CNOT9: variants seen among roughly 807,000 people sequenced by gnomAD.
CNOT9 encodes RCD1 required for cell differentiation1 homolog.
In CNOT9, 8 loss-of-function variants were observed where a neutral mutation model predicts 37.4. The ratio of observed to expected loss-of-function variants is 0.21; its 90% CI spans 0.13 to 0.39. The LOEUF (loss-of-function observed/expected upper bound fraction) is 0.39, where lower values mean the gene tolerates loss of function less well. Among genes scored for constraint, CNOT9 ranks in the 10% least tolerant of loss-of-function variants. The pLI, the probability that CNOT9 is intolerant of heterozygous loss-of-function variation, is 1.00. For synonymous variants in CNOT9, 120 were observed against 137.6 expected (o/e 0.87, Z 0.90); for missense variants, 154 against 365.3 (o/e 0.42, Z 4.71).
At chr2:218,593,744 G>T in intron 7 of CNOT9, 1 of 1,201,822 alleles carries the variant, frequency 8.3e-7, no homozygotes. Flanking sequence ...TGATATCCTT[G>T]TTAATGTACT....
rs760332092 is a variant in CNOT9, at chr2:218,580,701, G to A, written c.165G>A (p.Met55Ile). The part of the protein sequence containing the change: ...KRESVPDLAP[M>I]LWHSFGTIAA... ...AATCTGTTCCTGACCTTGCACCCAT[G>A]CTGTGGCATTCATTTGGTACTATTG... The change falls in exon 2 of 8, where the codon ATG (methionine) becomes ATA (isoleucine). Residue 55 changes from methionine to isoleucine, a missense_variant. Coordinates refer to ENST00000273064, the MANE Select transcript of CNOT9 (RefSeq NM_005444.3). The A allele has an allele frequency of 6.8e-6, 11 of 1,613,996 alleles. No homozygotes were observed. The highest frequency in any genetic ancestry group is 2.7e-5 in the African/African-American group (2 of 74,924).
intron 1 of CNOT9, among the ~76,000 whole-genome samples, chr2:218,571,464 G>A (rs758009382): frequency 2.6e-5 from 4 of 152,116 alleles, no homozygotes; most frequent in Non-Finnish European, 5.9e-5. Context: ...TGTAAATGCA[G>A]GATATTATTC....
chr2:218,577,333 C>T (rs1694207761), intron 1 of CNOT9, among the ~76,000 whole-genome samples: 1 of 152,230 alleles, frequency 6.6e-6, no homozygotes, highest in East Asian at 1.9e-4. Flanking sequence ...AAAGGAGGAT[C>T]CCCACCCTAG....
At chr2:218,570,911 A>G (rs1004191837) in intron 1 of CNOT9, among the ~76,000 whole-genome samples, 1 of 152,248 alleles carries the variant, frequency 6.6e-6, no homozygotes, top group Non-Finnish European at 1.5e-5. Flanking sequence ...TGGACCTCGT[A>G]GCAGCTCTGA....
Position 218,584,644 on chromosome 2 carries a change from T to C in CNOT9, c.353T>C (p.Phe118Ser). ...SAFLAAHIPL[F>S]LYPFLHTVSK... ...TTTCTCGCAGCACACATCCCACTTT[T>C]TTTGTACCCCTTTTTGCACACTGTC... The change falls in exon 4 of 8, where the codon TTT becomes TCT. Residue 118 changes from phenylalanine (F) to serine (S), a missense_variant. Physicochemically the swap from Phe to Ser is radical, Grantham distance 155. This residue lies in a region of CNOT9 where 117 missense variants were observed against 325.4 expected (regional missense o/e 0.36). Coordinates refer to ENST00000273064, the MANE Select transcript of CNOT9 (RefSeq NM_005444.3). The C allele has an allele frequency of 2.5e-6, 4 of 1,614,110 alleles. No individual in the cohort carries two copies. The highest frequency in any genetic ancestry group is 3.4e-6 in the Non-Finnish European group (4 of 1,179,950).
At chr2:218,588,039 A>C (rs1421652107) in intron 5 of CNOT9, among the ~76,000 whole-genome samples, 5 of 152,174 alleles carry the variant, frequency 3.3e-5, no homozygotes, top group African/African-American at 7.2e-5. Flanking sequence ...GCTTCTGCTT[A>C]CTATGTACTT....
chr2:218,581,879 T>A lies in CNOT9; in HGVS notation c.205-1092T>A, dbSNP rs1004197897. ...GGAGGATTGCTTGAGCCCAGGAGTT[T>A]GAGACCAACCTGGGCAACATGGCGA... On this transcript the variant is annotated intron_variant, in intron 2 of 7. Coordinates refer to ENST00000273064, the MANE Select transcript of CNOT9 (RefSeq NM_005444.3). Among the ~76,000 whole-genome samples the A allele has an allele frequency of 1.2e-4, 18 of 151,958 alleles. 2 individuals are homozygous for A. The highest frequency in any genetic ancestry group is 1.1e-3 in the Admixed American group (17 of 15,258).
chr2:218,580,695 A>C lies in CNOT9; in HGVS notation c.159A>C (p.Ala53=), dbSNP rs767519716. 6.2e-7 allele frequency: 1 copy of C among 1,614,134 alleles called. No homozygotes were observed. The highest frequency in any genetic ancestry group is 8.5e-7 in the Non-Finnish European group (1 of 1,180,022). Residue 53 remains alanine, a synonymous_variant, in exon 2 of 8, where the codon GCA becomes GCC. Coordinates refer to ENST00000273064, the MANE Select transcript of CNOT9 (RefSeq NM_005444.3). ...SKKRESVPDL[A]PMLWHSFGTI... ...AGCGAGAATCTGTTCCTGACCTTGC[A>C]CCCATGCTGTGGCATTCATTTGGTA...
At chr2:218,583,256 TC>T (rs1559247531) in intron 3 of CNOT9, among the ~76,000 whole-genome samples, 170 bp downstream of exon 3, 38 of 38,512 alleles carry the variant, frequency 9.9e-4, no homozygotes, top group African/African-American at 2.8e-3. Context: ...TCTCTCTCTC[TC>T]TCTCTCTCTC....
At chr2:218,585,954 A>G (rs1694582258) in intron 4 of CNOT9, among the ~76,000 whole-genome samples, 1 of 152,066 alleles carries the variant, frequency 6.6e-6, no homozygotes, top group Non-Finnish European at 1.5e-5. Context: ...AATTTTTTTA[A>G]ACTGCCATTT....
At chr2:218,580,953 C>T (rs781661777) in intron 2 of CNOT9, 7 of 644,316 alleles carry the variant, frequency 1.1e-5, no homozygotes, top group South Asian at 9.1e-5. Flanking sequence ...CTGAGGTGGG[C>T]CCTATAATCT....
At chr2:218,582,636 G>A (rs1330183119) in intron 2 of CNOT9, among the ~76,000 whole-genome samples, 1 of 152,058 alleles carries the variant, frequency 6.6e-6, no homozygotes, top group African/African-American at 2.4e-5. Flanking sequence ...CTTGCAGTGA[G>A]TCAAGATCGT....
At chr2:218,579,688 C>T (rs755984372) in intron 1 of CNOT9, among the ~76,000 whole-genome samples, 45 of 152,088 alleles carry the variant, frequency 3.0e-4, no homozygotes, top group Middle Eastern at 3.4e-3. Context: ...CCAGTTTCAC[C>T]GTGTTAGCCA....
intron 2 of CNOT9, among the ~76,000 whole-genome samples, chr2:218,581,304 G>A (rs748812623): frequency 4.0e-5 from 6 of 151,664 alleles, no homozygotes; most frequent in Admixed American, 1.3e-4. Context: ...GAGTAGCTGG[G>A]ATTATAGGCC....
chr2:218,577,592 C>T (rs1282523321), intron 1 of CNOT9, among the ~76,000 whole-genome samples: 1 of 152,216 alleles, frequency 6.6e-6, no homozygotes, highest in Non-Finnish European at 1.5e-5. Flanking sequence ...AGTGCCTACA[C>T]CACTGCCAGC....
chr2:218,582,942 T>C (rs370141568), intron 2 of CNOT9, 29 bp from the exon 3 acceptor site: 245 of 1,266,358 alleles, frequency 1.9e-4, no homozygotes, highest in Non-Finnish European at 2.6e-4. Flanking sequence ...TTATTCCTTA[T>C]TCATCTGATG....
At chr2:218,578,115 G>A (rs935788895) in intron 1 of CNOT9, among the ~76,000 whole-genome samples, 5 of 152,178 alleles carry the variant, frequency 3.3e-5, no homozygotes, top group Non-Finnish European at 7.3e-5. Flanking sequence ...GGGAAAGGAG[G>A]AAAAAAGCTA....
At chr2:218,590,241 G>A (rs751702817) in intron 5 of CNOT9, among the ~76,000 whole-genome samples, 2 of 152,040 alleles carry the variant, frequency 1.3e-5, no homozygotes, top group Admixed American at 1.3e-4. Context: ...CTAATTTTTT[G>A]TATTTTTAGT....
rs1172484260 is a variant in CNOT9, at chr2:218,588,588, C to CTTTTTTTTTTTTTTTTTTTTTTTT, written c.540+896_540+919dup. On this transcript the variant is annotated intron_variant, in intron 5 of 7. Transcript: ENST00000273064. ...ACAGTCATGAGCCACTCCACCCGGC[C>CTTTTTTTTTTTTTTTTTTTTTTTT]TTTTTTTTTTTTTTTTTTTTTTTTT... Among the ~76,000 whole-genome samples, 3 of 33,450 alleles carry CTTTTTTTTTTTTTTTTTTTTTTTT rather than the reference C, an allele frequency of 9.0e-5. 1 individual carries two copies. Among genetic ancestry groups the CTTTTTTTTTTTTTTTTTTTTTTTT allele is most frequent in the African/African-American group, 4.1e-4 (3 of 7,398 alleles). The allele number at this position is 33,450 out of a possible 152,430, so 21.9% of individuals were successfully genotyped here. A position where few individuals can be genotyped will look rare whatever the true frequency, so the allele number is the denominator to read the frequency against.
Sources: allele counts gnomAD v4.1 joint callset (sites outside exome capture counted in the v4.1 genomes callset), GRCh38; gene constraint gnomAD v4.1.1; regional missense constraint gnomAD v4.1.1; transcripts MANE v1.5; gene names NCBI Gene and HGNC (gene_info 2026-07-23, HGNC 2026-07-21).